Variants in SLC35A1 observed in about 807,000 individuals in gnomAD.
The protein encoded by SLC35A1 is solute carrier family 35 member A1.
In SLC35A1, 21 loss-of-function variants were observed where a neutral mutation model predicts 40.3. The observed-to-expected ratio is 0.52, with a 90% CI of 0.37 to 0.75. SLC35A1 has a LOEUF of 0.75. Ranked by LOEUF, SLC35A1 falls within the 30% of genes least tolerant of loss-of-function variation. The pLI is 0.00. For missense variants in SLC35A1, 297 were observed against 382.1 expected (o/e 0.78, Z 1.86); for synonymous variants, 146 against 147.3 (o/e 0.99, Z 0.06).
At chr6:87,499,645 T>A (rs192529141) in intron 2 of SLC35A1, among the ~76,000 whole-genome samples, 13 of 152,338 alleles carry the variant, frequency 8.5e-5, no homozygotes, top group Admixed American at 8.5e-4. Context: ...TCAGATCTGC[T>A]ACAGAATTAT....
chr6:87,510,572 C>G, intron 7 of SLC35A1, among the ~76,000 whole-genome samples: 1 of 151,924 alleles, frequency 6.6e-6, no homozygotes, highest in African/African-American at 2.4e-5. Flanking sequence ...TTCTTGCATC[C>G]TGATTTTTAA....
chr6:87,503,303 C>T (rs892216558), intron 4 of SLC35A1, among the ~76,000 whole-genome samples: 1 of 152,162 alleles, frequency 6.6e-6, no homozygotes, highest in Non-Finnish European at 1.5e-5. Context: ...TTGACTACGG[C>T]TGGAGGATCT....
intron 2 of SLC35A1, among the ~76,000 whole-genome samples, chr6:87,497,467 G>GCTTTC (rs1386786485): frequency 1.6e-4 from 24 of 152,134 alleles, no homozygotes; most frequent in Admixed American, 1.6e-3. Context: ...CTCCACTGAA[G>GCTTTC]GAAAGGAATA....
At chr6:87,473,200 G>T (rs1330990388) in intron 1 of SLC35A1, among the ~76,000 whole-genome samples, 181 bp downstream of exon 1, 1 of 152,220 alleles carries the variant, frequency 6.6e-6, no homozygotes, top group Non-Finnish European at 1.5e-5. Context: ...CCTGCCTTCC[G>T]CTGCGGCTGC....
In SLC35A1 at chr6:87,477,463, G is replaced by T; in HGVS notation, c.118G>T (p.Glu40Ter). The T allele has an allele frequency of 6.2e-7, 1 of 1,614,004 alleles. No individual in the cohort carries two copies. Among genetic ancestry groups the T allele is most frequent in the Non-Finnish European group, 8.5e-7 (1 of 1,179,954 alleles). The change falls in exon 2 of 8, where the codon GAA becomes TAA. Residue 40 changes from glutamate (E) to a stop codon, truncating the protein, a stop_gained. Coordinates refer to ENST00000369552, the MANE Select transcript of SLC35A1 (RefSeq NM_006416.5). LOFTEE classifies it high-confidence loss of function. Reference protein sequence around the residue: ...ALRYTRTSDKELYFSTTAVCI... With the variant: ...ALRYTRTSDK The stretch of plus-strand genomic sequence containing the variant: ...AAGATACACAAGGACATCAGACAAA[G>T]AACTCTACTTTTCAACCACAGCCGT...
chr6:87,507,410 TA>T (rs1414357953), intron 5 of SLC35A1, among the ~76,000 whole-genome samples: 4 of 152,202 alleles, frequency 2.6e-5, no homozygotes, highest in African/African-American at 9.6e-5. Context: ...TTTGAACAGT[TA>T]AATGATTATG....
At position 87,506,369 on chromosome 6, in the gene SLC35A1, A is replaced by G; in HGVS notation, c.508-13A>G. On this transcript the variant is annotated splice_polypyrimidine_tract_variant and intron_variant, in intron 4 of 7. Coordinates refer to ENST00000369552, the MANE Select transcript of SLC35A1 (RefSeq NM_006416.5). ...TTAGTCACTAAAAATAACTTTAACA[A>G]TTAATATTGCAGGTGGAACAAAATC... 2 of 1,606,448 alleles carry G rather than the reference A, an allele frequency of 1.2e-6. No homozygotes were observed. Among genetic ancestry groups the G allele is most frequent in the Non-Finnish European group, 8.5e-7 (1 of 1,173,254 alleles).
intron 2 of SLC35A1, among the ~76,000 whole-genome samples, chr6:87,499,766 TAACG>T (rs989653752): frequency 6.6e-6 from 1 of 152,160 alleles, no homozygotes; most frequent in African/African-American, 2.4e-5. Context: ...CTAACCCACT[TAACG>T]AACTACCAAA....
At chr6:87,492,396 G>C (rs6903332) in intron 2 of SLC35A1, among the ~76,000 whole-genome samples, 59,970 of 151,440 alleles carry the variant, frequency 0.4, 12,028 homozygotes, top group Admixed American at 0.47. Flanking sequence ...TTAATTTGTA[G>C]AATCTCTCAA....
intron 1 of SLC35A1, among the ~76,000 whole-genome samples, chr6:87,474,076 TAAAAG>T (rs1262690633): frequency 1.3e-5 from 2 of 152,048 alleles, no homozygotes; most frequent in Admixed American, 6.6e-5. Context: ...ACACAGGAAA[TAAAAG>T]AAAAAGAAAT....
intron 2 of SLC35A1, among the ~76,000 whole-genome samples, chr6:87,481,418 A>T (rs755748426): frequency 7.2e-4 from 79 of 109,824 alleles, no homozygotes; most frequent in African/African-American, 2.9e-3. Flanking sequence ...ACTCTGACTC[A>T]AAAAAAAAAA....
At chr6:87,500,765 TGAGA>T in intron 3 of SLC35A1, 98 bp downstream of exon 3, 1 of 1,031,636 alleles carries the variant, frequency 9.7e-7, no homozygotes, top group Non-Finnish European at 1.4e-6. Flanking sequence ...TTTTTTTTTT[TGAGA>T]TGGAGTCTCG....
intron 2 of SLC35A1, among the ~76,000 whole-genome samples, chr6:87,486,761 C>A (rs772839121): frequency 2.1e-4 from 32 of 152,112 alleles, no homozygotes; most frequent in Non-Finnish European, 1.8e-4. Context: ...TGTTTGAAAT[C>A]CCTGAGGCAG....
chr6:87,492,634 G>A (rs1391147837), intron 2 of SLC35A1, among the ~76,000 whole-genome samples: 3 of 146,174 alleles, frequency 2.1e-5, no homozygotes, highest in Non-Finnish European at 3.0e-5. Context: ...TGCAACCTCC[G>A]CCTCCTGGGT....
intron 2 of SLC35A1, among the ~76,000 whole-genome samples, chr6:87,491,531 C>T (rs550845814): frequency 6.6e-6 from 1 of 152,290 alleles, no homozygotes; most frequent in South Asian, 2.1e-4. Flanking sequence ...AAGATAAGCA[C>T]AGTGGCGTTG....
chr6:87,489,535 CTTTTTTT>C (rs36003216), intron 2 of SLC35A1, among the ~76,000 whole-genome samples: 9 of 99,024 alleles, frequency 9.1e-5, no homozygotes, highest in Non-Finnish European at 1.5e-4. Context: ...CAACTGTGAG[CTTTTTTT>C]TTTTTTTTTT....
chr6:87,483,116 C>T (rs1769290138), intron 2 of SLC35A1, among the ~76,000 whole-genome samples: 1 of 151,920 alleles, frequency 6.6e-6, no homozygotes, highest in Admixed American at 6.6e-5. Context: ...TTAAATTTAC[C>T]CTAGCTTTTA....
intron 2 of SLC35A1, among the ~76,000 whole-genome samples, chr6:87,490,768 G>A (rs1239889150): frequency 6.6e-6 from 1 of 152,142 alleles, no homozygotes; most frequent in Non-Finnish European, 1.5e-5. Context: ...AAAAGCCAAA[G>A]AAAAGAATAA....
chr6:87,503,774 A>G (rs759831073), intron 4 of SLC35A1, among the ~76,000 whole-genome samples: 2 of 152,098 alleles, frequency 1.3e-5, no homozygotes, highest in East Asian at 1.9e-4. Context: ...CATTATCTCT[A>G]TGGAATTCCC....
Sources: allele counts gnomAD v4.1 joint callset (sites outside exome capture counted in the v4.1 genomes callset), GRCh38; gene constraint gnomAD v4.1.1; transcripts MANE v1.5; gene names NCBI Gene and HGNC (gene_info 2026-07-23, HGNC 2026-07-21).